GALNT13: variants seen among roughly 807,000 people sequenced by gnomAD.
GALNT13 encodes polypeptide N-acetylgalactosaminyltransferase 13, also known as UDP-GalNAc:polypeptide N-acetylgalactosaminyltransferase 13.
In GALNT13, 28 loss-of-function variants were observed where a neutral mutation model predicts 64.2. The ratio of observed to expected loss-of-function variants is 0.44; its 90% CI spans 0.32 to 0.60. The LOEUF (loss-of-function observed/expected upper bound fraction) is 0.60, where lower values mean the gene tolerates loss of function less well. GALNT13 is among the 20% of genes least tolerant of loss of function. The pLI is 0.05. For synonymous variants in GALNT13, 214 were observed against 224.6 expected (o/e 0.95, Z 0.42); for missense variants, 577 against 669.8 (o/e 0.86, Z 1.53).
chr2:153,594,226 T>G, the GALNT13 span, among the ~76,000 whole-genome samples: 3 of 152,156 alleles, frequency 2.0e-5, no homozygotes, highest in Non-Finnish European at 4.4e-5. Flanking sequence ...TTAATTCCCA[T>G]TATAAGCCAC....
At chr2:153,731,072 ATGTG>A in the GALNT13 span, among the ~76,000 whole-genome samples, 1 of 150,876 alleles carries the variant, frequency 6.6e-6, no homozygotes, top group Non-Finnish European at 1.5e-5. Context: ...ATATATATAT[ATGTG>A]TGTGTGTGTG....
chr2:154,216,397 G>A (rs1485681446), intron 4 of GALNT13, among the ~76,000 whole-genome samples: 1 of 152,066 alleles, frequency 6.6e-6, no homozygotes, highest in African/African-American at 2.4e-5. Flanking sequence ...GATTGGTTGT[G>A]AGTATTTTTA....
chr2:154,133,911 T>G (rs1682794012), intron 3 of GALNT13, among the ~76,000 whole-genome samples: 1 of 152,136 alleles, frequency 6.6e-6, no homozygotes, highest in African/African-American at 2.4e-5. Flanking sequence ...AATGGATATT[T>G]CTCATGAGCA....
the GALNT13 span, among the ~76,000 whole-genome samples, chr2:153,864,174 G>A: frequency 1.3e-5 from 2 of 152,058 alleles, no homozygotes; most frequent in Non-Finnish European, 2.9e-5. Flanking sequence ...AGTCAGGCTG[G>A]CATTACCACA....
At chr2:153,677,018 C>A in the GALNT13 span, among the ~76,000 whole-genome samples, 1 of 151,930 alleles carries the variant, frequency 6.6e-6, no homozygotes, top group Non-Finnish European at 1.5e-5. Context: ...CACTGGAAAT[C>A]CTGGCCAGAG....
At chr2:154,421,439 T>C (rs146454748) in intron 11 of GALNT13, among the ~76,000 whole-genome samples, 2 of 152,222 alleles carry the variant, frequency 1.3e-5, no homozygotes, top group East Asian at 3.9e-4. Context: ...TTTGCCTTGC[T>C]ACAAATATAG....
At chr2:154,284,289 C>A (rs2105945981) in intron 8 of GALNT13, among the ~76,000 whole-genome samples, 1 of 152,216 alleles carries the variant, frequency 6.6e-6, no homozygotes, top group Admixed American at 6.5e-5. Flanking sequence ...CTCCCCGATT[C>A]CCTGTAATCT....
At chr2:153,506,065 T>G in the GALNT13 span, among the ~76,000 whole-genome samples, 13 of 152,188 alleles carry the variant, frequency 8.5e-5, no homozygotes, top group African/African-American at 2.9e-4. Flanking sequence ...TTGTGATATT[T>G]TCCTGTAGAC....
At chr2:153,902,922 A>G (rs912316376) in intron 2 of GALNT13, among the ~76,000 whole-genome samples, 4 of 152,060 alleles carry the variant, frequency 2.6e-5, no homozygotes, top group Admixed American at 2.6e-4. Context: ...TTACCAGTGT[A>G]CCATCATTTA....
At chr2:153,645,061 T>G in the GALNT13 span, among the ~76,000 whole-genome samples, 90 of 152,250 alleles carry the variant, frequency 5.9e-4, no homozygotes, top group Admixed American at 1.4e-3. Flanking sequence ...AGTCCCCAGA[T>G]CCTCACTATT....
intron 3 of GALNT13, among the ~76,000 whole-genome samples, chr2:153,959,569 G>C (rs190218170): frequency 6.7e-4 from 102 of 152,344 alleles, no homozygotes; most frequent in Non-Finnish European, 1.2e-3. Context: ...CACCGAAACT[G>C]TGAGGAACTG....
At chr2:154,138,002 A>G (rs538201488) in intron 3 of GALNT13, among the ~76,000 whole-genome samples, 2 of 152,144 alleles carry the variant, frequency 1.3e-5, no homozygotes, top group East Asian at 3.9e-4. Flanking sequence ...TTAGAAAGCA[A>G]AAATTGTTCT....
chr2:154,041,441 A>G lies in GALNT13; in HGVS notation c.142+96802A>G, dbSNP rs74374429. On this transcript the variant is annotated intron_variant, in intron 3 of 12. Coordinates refer to ENST00000392825, the MANE Select transcript of GALNT13 (RefSeq NM_052917.4). ...TTCCTTCTAAATTTCACGCTTTTAT[A>G]TTAGAAGATGTTCTGTGAGGTTTTT... Among the ~76,000 whole-genome samples the G allele has an allele frequency of 7.2e-3, 1,007 of 140,532 alleles. 59 individuals are homozygous for G. The highest frequency in any genetic ancestry group is 0.024 in the African/African-American group (965 of 41,028). 92.2% of individuals were successfully genotyped at this position (140,532 alleles called of 152,430 possible). A position where few individuals can be genotyped will look rare whatever the true frequency, so the allele number is the denominator to read the frequency against.
intron 3 of GALNT13, among the ~76,000 whole-genome samples, chr2:154,108,309 G>A (rs1183804241): frequency 6.6e-6 from 1 of 151,766 alleles, no homozygotes; most frequent in Non-Finnish European, 1.5e-5. Context: ...AATTCTGAAA[G>A]GTGTGAGATA....
chr2:153,628,094 T>C, the GALNT13 span, among the ~76,000 whole-genome samples: 6 of 152,268 alleles, frequency 3.9e-5, no homozygotes, highest in East Asian at 1.2e-3. Context: ...CCTAGGTATT[T>C]TATTCTCTTT....
At chr2:153,396,838 C>A in the GALNT13 span, among the ~76,000 whole-genome samples, 1 of 152,042 alleles carries the variant, frequency 6.6e-6, no homozygotes. Context: ...CATTTGATTC[C>A]CTCTTTCTTG....
intron 7 of GALNT13, among the ~76,000 whole-genome samples, chr2:154,252,774 GATAGATA>G (rs1208903763): frequency 7.4e-6 from 1 of 134,698 alleles, no homozygotes; most frequent in Non-Finnish European, 1.6e-5. Flanking sequence ...TAGATAGATA[GATAGATA>G]ATAGATAAGG....
chr2:153,752,860 T>C, the GALNT13 span, among the ~76,000 whole-genome samples: 1 of 152,170 alleles, frequency 6.6e-6, no homozygotes, highest in African/African-American at 2.4e-5. Flanking sequence ...CTCTGTCTCC[T>C]CTTTAAGGCC....
At chr2:153,770,587 C>G in the GALNT13 span, among the ~76,000 whole-genome samples, 1 of 152,230 alleles carries the variant, frequency 6.6e-6, no homozygotes, top group Non-Finnish European at 1.5e-5. Context: ...AGCCAGAGAA[C>G]TTCTCCCAGT....
Sources: gnomAD v4.1 joint callset for allele counts (sites outside exome capture counted in the v4.1 genomes callset) on GRCh38, gnomAD v4.1.1 for gene constraint, MANE v1.5 for transcripts, NCBI Gene and HGNC (gene_info 2026-07-23, HGNC 2026-07-21) for gene names.